The following SDK1 variants were observed in gnomAD, a reference collection of about 807,000 sequenced individuals.
SDK1 encodes the protein protein sidekick-1.
Under a neutral mutation model 245.5 loss-of-function variants are expected in SDK1, and 157 were observed. That is an observed-to-expected ratio of 0.64 (90% CI 0.56 to 0.73). The LOEUF is 0.73. SDK1 is among the 30% of genes least tolerant of loss of function. The pLI, the probability that SDK1 is intolerant of heterozygous loss-of-function variation, is 0.00. For missense variants in SDK1, 3,583 were observed against 3,002.3 expected, an observed-to-expected ratio of 1.19 and a Z score of -4.52; for synonymous variants, 1,647 against 1,278.5, an observed-to-expected ratio of 1.29 and a Z score of -6.15.
At chr7:4,149,726 G>T (rs1438467663) in intron 30 of SDK1, among the ~76,000 whole-genome samples, 1 of 152,142 alleles carries the variant, frequency 6.6e-6, no homozygotes, top group Non-Finnish European at 1.5e-5. Flanking sequence ...CAGGACCCAG[G>T]GATTGGCGAG....
intron 5 of SDK1, among the ~76,000 whole-genome samples, chr7:3,885,550 C>G (rs1781317506): frequency 6.6e-6 from 1 of 152,212 alleles, no homozygotes; most frequent in South Asian, 2.1e-4. Context: ...CACCTCAGGC[C>G]TGTACCACCT....
At position 4,114,244 on chromosome 7, in the gene SDK1, G is replaced by A. The variant is rs200558524; in HGVS notation, c.3793G>A (p.Glu1265Lys). The A allele has an allele frequency of 2.4e-5, 38 of 1,611,510 alleles. No individual in the cohort carries two copies. In the East Asian group the frequency reaches 4.5e-4, roughly 19 times the overall value. Residue 1265 changes from glutamate (E) to lysine (K), a missense_variant, in exon 25 of 45, where the codon GAG becomes AAG. By Grantham distance (56) the Glu-to-Lys change is moderately conservative. Coordinates refer to ENST00000404826, the MANE Select transcript of SDK1 (RefSeq NM_152744.4). ...CGCCGTCGGGGCTGGGCCGTGGAGC[G>A]AGGTGGTGCGGGGCCGGACGCGGGA... is the stretch of plus-strand genomic sequence containing the variant. Reference protein sequence around the residue: ...FNAVGAGPWSEVVRGRTRESV... With the variant: ...FNAVGAGPWSKVVRGRTRESV...
At chr7:3,459,749 C>T (rs1780778126) in intron 1 of SDK1, among the ~76,000 whole-genome samples, 1 of 152,162 alleles carries the variant, frequency 6.6e-6, no homozygotes. Context: ...GAGATGGCTC[C>T]ACTTGGTTTA....
At chr7:4,072,293 C>T (rs1780302585) in intron 20 of SDK1, among the ~76,000 whole-genome samples, 1 of 152,240 alleles carries the variant, frequency 6.6e-6, no homozygotes, top group Non-Finnish European at 1.5e-5. Flanking sequence ...AGACTCTCTG[C>T]AGGTTCCTCT....
chr7:3,410,309 G>A (rs1287457057), intron 1 of SDK1, among the ~76,000 whole-genome samples: 1 of 151,972 alleles, frequency 6.6e-6, no homozygotes, highest in African/African-American at 2.4e-5. Context: ...TATAAAGTTA[G>A]CTTCAGGCTG....
At chr7:3,884,092 T>TG (rs1781279615) in intron 5 of SDK1, among the ~76,000 whole-genome samples, 2 of 100,694 alleles carry the variant, frequency 2.0e-5, no homozygotes, top group South Asian at 7.2e-4. Context: ...TGTTTTTTTT[T>TG]TTTTTTGAGA....
At chr7:4,016,617 C>G (rs1174363509) in intron 16 of SDK1, among the ~76,000 whole-genome samples, 1 of 152,210 alleles carries the variant, frequency 6.6e-6, no homozygotes, top group African/African-American at 2.4e-5. Context: ...CAGAGGTCTT[C>G]TACAAAGCAA....
chr7:3,770,205 A>G lies in SDK1; in HGVS notation c.714-51245A>G, dbSNP rs537144102. Among the ~76,000 whole-genome samples the G allele has an allele frequency of 9.0e-4, 137 of 152,200 alleles. No individual in the cohort carries two copies. In the Middle Eastern group the frequency reaches 0.01, roughly 11 times the overall value. On this transcript the variant is annotated intron_variant, in intron 4 of 44. Coordinates refer to ENST00000404826, the MANE Select transcript of SDK1 (RefSeq NM_152744.4). ...CATTTCAAGAATATTCTCTAAATGGAGTCATACAATATGTAACCATTTGAG... is the reference window on the plus strand; with the variant it reads ...CATTTCAAGAATATTCTCTAAATGGGGTCATACAATATGTAACCATTTGAG...
At chr7:3,761,287 G>A (rs1032954784) in intron 4 of SDK1, among the ~76,000 whole-genome samples, 1 of 51,148 alleles carries the variant, frequency 2.0e-5, no homozygotes, top group Non-Finnish European at 3.6e-5. Context: ...TTTTGCTCTT[G>A]CTGATGATCT....
At chr7:3,706,728 C>G (rs1784902355) in intron 4 of SDK1, among the ~76,000 whole-genome samples, 1 of 152,054 alleles carries the variant, frequency 6.6e-6, no homozygotes, top group Non-Finnish European at 1.5e-5. Flanking sequence ...ATTACTCATT[C>G]AGTCTCACTG....
chr7:4,185,497 C>A (rs1297157483), intron 35 of SDK1, among the ~76,000 whole-genome samples: 3 of 152,114 alleles, frequency 2.0e-5, no homozygotes, highest in African/African-American at 7.2e-5. Flanking sequence ...AGTATGTGCC[C>A]CCTCATCCAT....
chr7:4,084,047 A>G (rs1052117703), intron 22 of SDK1, among the ~76,000 whole-genome samples: 1 of 152,158 alleles, frequency 6.6e-6, no homozygotes, highest in Non-Finnish European at 1.5e-5. Flanking sequence ...TGTTCTTAGG[A>G]TATTCAAGAT....
At position 4,012,549 on chromosome 7, in the gene SDK1, C is replaced by CTTTTTTTTTTTTTT. The variant is rs777199429; in HGVS notation, c.2420+344_2420+357dup. Among the ~76,000 whole-genome samples the CTTTTTTTTTTTTTT allele has an allele frequency of 8.9e-4, 23 of 25,988 alleles. 9 individuals carry two copies. The highest frequency in any genetic ancestry group is 1.5e-3 in the Non-Finnish European group (15 of 10,038). 17.0% of individuals were successfully genotyped at this position (25,988 alleles called of 152,430 possible). On this transcript the variant is annotated intron_variant, in intron 16 of 44. Transcript: ENST00000404826. Reference sequence around the variant, plus strand: ...GCAAGGTATATTGTTCAATGTGAAGCTTTTTTTTTTTTTTTTTTTTTTTTT... The same window carrying CTTTTTTTTTTTTTT: ...GCAAGGTATATTGTTCAATGTGAAGCTTTTTTTTTTTTTTTTTTTTTTTTTTTTTTTTTTTTTTT...
intron 14 of SDK1, among the ~76,000 whole-genome samples, chr7:3,990,277 C>G (rs909580257): frequency 6.6e-6 from 1 of 152,178 alleles, no homozygotes; most frequent in Non-Finnish European, 1.5e-5. Flanking sequence ...AGGCCCTTCT[C>G]CCCCTTGCAG....
At chr7:3,866,203 C>G (rs546911303) in intron 5 of SDK1, among the ~76,000 whole-genome samples, 21 of 152,336 alleles carry the variant, frequency 1.4e-4, no homozygotes, top group African/African-American at 4.8e-4. Flanking sequence ...TCAGATCACA[C>G]TGAAGAGCTG....
chr7:3,653,425 G>A (rs1338711202), intron 4 of SDK1, among the ~76,000 whole-genome samples: 1 of 152,144 alleles, frequency 6.6e-6, no homozygotes, highest in Non-Finnish European at 1.5e-5. Context: ...CCATGAGGAT[G>A]GGGGCCAAGA....
intron 1 of SDK1, among the ~76,000 whole-genome samples, chr7:3,359,383 C>G (rs959690666): frequency 3.3e-5 from 5 of 152,094 alleles, no homozygotes; most frequent in Non-Finnish European, 7.4e-5. Flanking sequence ...GTTAAGTTTT[C>G]GTTGTTGTTG....
chr7:3,394,748 A>G (rs1007930599), intron 1 of SDK1, among the ~76,000 whole-genome samples: 9 of 151,982 alleles, frequency 5.9e-5, no homozygotes, highest in Admixed American at 1.3e-4. Flanking sequence ...CTTTATTTGT[A>G]TGTACTTTTT....
intron 1 of SDK1, among the ~76,000 whole-genome samples, chr7:3,374,984 A>G (rs1228947773): frequency 6.6e-6 from 1 of 152,184 alleles, no homozygotes; most frequent in Non-Finnish European, 1.5e-5. Flanking sequence ...CTGTAATTGT[A>G]TGTGCCACAT....
Sources: gnomAD v4.1 joint callset for allele counts (sites outside exome capture counted in the v4.1 genomes callset) on GRCh38, gnomAD v4.1.1 for gene constraint, MANE v1.5 for transcripts, NCBI Gene and HGNC (gene_info 2026-07-23, HGNC 2026-07-21) for gene names.